The following PABPC4L variants were observed in gnomAD, a reference collection of about 807,000 sequenced individuals.
PABPC4L encodes the protein poly(A) binding protein cytoplasmic 4 like.
For synonymous variants in PABPC4L, 169 were observed against 164.1 expected (o/e 1.03, Z -0.23); for missense variants, 452 against 451.4 (o/e 1.00, Z -0.01).
the PABPC4L span, among the ~76,000 whole-genome samples, chr4:134,043,599 T>C: frequency 1.3e-5 from 2 of 152,110 alleles, no homozygotes; most frequent in East Asian, 3.9e-4. Context: ...GGTACCAAAG[T>C]TACTTTCAGC....
the PABPC4L span, among the ~76,000 whole-genome samples, chr4:134,095,507 A>G: frequency 1.3e-5 from 2 of 152,006 alleles, no homozygotes; most frequent in Non-Finnish European, 1.5e-5. Context: ...GGAATATTAA[A>G]TAGACAAACG....
the PABPC4L span, among the ~76,000 whole-genome samples, chr4:133,982,671 C>A: frequency 6.6e-6 from 1 of 151,972 alleles, no homozygotes; most frequent in East Asian, 1.9e-4. Context: ...CCCATCCTCT[C>A]TTCTTTATTT....
chr4:134,152,475 A>G, the PABPC4L span, among the ~76,000 whole-genome samples: 1 of 152,010 alleles, frequency 6.6e-6, no homozygotes, highest in Non-Finnish European at 1.5e-5. Context: ...AGTACTGTCT[A>G]CAGTGGTTCT....
the PABPC4L span, among the ~76,000 whole-genome samples, chr4:134,183,443 C>T: frequency 4.2e-4 from 63 of 151,010 alleles, no homozygotes; most frequent in African/African-American, 1.4e-3. Flanking sequence ...ACAACAGACA[C>T]GGGGGCCTAC....
At chr4:134,067,376 C>T in the PABPC4L span, among the ~76,000 whole-genome samples, 9 of 151,940 alleles carry the variant, frequency 5.9e-5, no homozygotes, top group Non-Finnish European at 1.2e-4. Flanking sequence ...AGTGTAACAT[C>T]CTTTTATTCA....
the PABPC4L span, among the ~76,000 whole-genome samples, chr4:134,055,851 T>C: frequency 2.0e-5 from 3 of 152,046 alleles, no homozygotes; most frequent in Non-Finnish European, 4.4e-5. Flanking sequence ...TCAAATTTTT[T>C]GTATGGACCA....
chr4:133,952,325 C>G, the PABPC4L span, among the ~76,000 whole-genome samples: 1 of 151,996 alleles, frequency 6.6e-6, no homozygotes, highest in Non-Finnish European at 1.5e-5. Context: ...TAGGGGACGC[C>G]CAGAATGCAT....
At chr4:134,155,648 A>G in the PABPC4L span, among the ~76,000 whole-genome samples, 2 of 151,978 alleles carry the variant, frequency 1.3e-5, no homozygotes, top group Non-Finnish European at 2.9e-5. Context: ...TTAAAACCCA[A>G]AGTTATTATG....
the PABPC4L span, among the ~76,000 whole-genome samples, chr4:133,968,340 C>T: frequency 6.6e-6 from 1 of 152,190 alleles, no homozygotes; most frequent in Non-Finnish European, 1.5e-5. Context: ...AAAACATCCT[C>T]CTCACATCCC....
chr4:134,048,004 A>G, the PABPC4L span, among the ~76,000 whole-genome samples: 1 of 152,166 alleles, frequency 6.6e-6, no homozygotes, highest in Admixed American at 6.6e-5. Context: ...TTTAGAAATC[A>G]TTTTAAAACA....
chr4:134,116,676 A>G, the PABPC4L span, among the ~76,000 whole-genome samples: 3 of 151,782 alleles, frequency 2.0e-5, no homozygotes, highest in Non-Finnish European at 4.4e-5. Context: ...ACAGAATAAT[A>G]TTACATTATT....
At chr4:133,990,791 A>G in the PABPC4L span, among the ~76,000 whole-genome samples, 1 of 152,208 alleles carries the variant, frequency 6.6e-6, no homozygotes, top group African/African-American at 2.4e-5. Flanking sequence ...TTCTGGAGAC[A>G]TAAGTAAACA....
At chr4:134,146,774 G>A in the PABPC4L span, among the ~76,000 whole-genome samples, 1 of 152,036 alleles carries the variant, frequency 6.6e-6, no homozygotes, top group African/African-American at 2.4e-5. Flanking sequence ...GTCCATGGGT[G>A]GTCTTGGAAA....
chr4:134,089,153 A>C, the PABPC4L span, among the ~76,000 whole-genome samples: 2 of 152,134 alleles, frequency 1.3e-5, no homozygotes, highest in Non-Finnish European at 2.9e-5. Flanking sequence ...ATAGTAACTA[A>C]AGTTTGTTTC....
At chr4:134,165,193 C>A in the PABPC4L span, among the ~76,000 whole-genome samples, 1 of 152,032 alleles carries the variant, frequency 6.6e-6, no homozygotes, top group Non-Finnish European at 1.5e-5. Flanking sequence ...AAAAGAAAAC[C>A]TAGGATAAAC....
the PABPC4L span, among the ~76,000 whole-genome samples, chr4:133,964,451 T>C: frequency 1.3e-5 from 2 of 152,078 alleles, no homozygotes; most frequent in African/African-American, 4.8e-5. Context: ...AAAGGAAACA[T>C]TTCCTAATTC....
chr4:134,119,845 TG>T, the PABPC4L span, among the ~76,000 whole-genome samples: 1 of 151,816 alleles, frequency 6.6e-6, no homozygotes, highest in African/African-American at 2.4e-5. Flanking sequence ...TTTTATGTTT[TG>T]TTTCTTTCTT....
the PABPC4L span, among the ~76,000 whole-genome samples, chr4:134,047,021 A>G: frequency 1.0e-3 from 155 of 152,310 alleles, 1 homozygote; most frequent in African/African-American, 3.6e-3. Flanking sequence ...ATTACATGAC[A>G]ATCTGTGACA....
At chr4:134,176,559 G>A in the PABPC4L span, among the ~76,000 whole-genome samples, 2 of 152,078 alleles carry the variant, frequency 1.3e-5, no homozygotes, top group South Asian at 2.1e-4. Flanking sequence ...GGCCAAGATG[G>A]CAGACTAGAA....
Sources: allele counts gnomAD v4.1 joint callset (sites outside exome capture counted in the v4.1 genomes callset), GRCh38; gene constraint gnomAD v4.1.1; transcripts MANE v1.5; gene names NCBI Gene and HGNC (gene_info 2026-07-23, HGNC 2026-07-21).